MAGI2: variants seen among roughly 807,000 people sequenced by gnomAD.
MAGI2 encodes membrane associated guanylate kinase, WW and PDZ domain containing 2, also known as membrane-associated guanylate kinase, WW and PDZ domain-containing protein 2.
A neutral mutation model predicts 133.3 loss-of-function variants in MAGI2; 35 were observed. The ratio of observed to expected loss-of-function variants is 0.26; its 90% CI spans 0.20 to 0.35. The LOEUF is 0.35. Ranked by LOEUF, MAGI2 falls within the 10% of genes least tolerant of loss-of-function variation. The probability of loss-of-function intolerance (pLI) is 1.00; values close to 1 mark genes in which losing one functional copy is unlikely to be tolerated. For missense variants in MAGI2, 1,636 were observed against 1,863.4 expected (o/e 0.88, Z 2.25); for synonymous variants, 729 against 710.6 (o/e 1.03, Z -0.41).
intron 1 of MAGI2, among the ~76,000 whole-genome samples, chr7:79,108,078 C>T (rs1427545057): frequency 6.6e-6 from 1 of 152,120 alleles, no homozygotes; most frequent in Non-Finnish European, 1.5e-5. Context: ...TTCTCAACAT[C>T]AGAGAGTGTT....
chr7:78,297,492 G>T (rs946252229), intron 9 of MAGI2, among the ~76,000 whole-genome samples: 3 of 151,256 alleles, frequency 2.0e-5, no homozygotes, highest in Non-Finnish European at 4.4e-5. Context: ...TATACCCAAA[G>T]GACTATAAAT....
At chr7:78,165,287 T>C (rs1825513402) in intron 15 of MAGI2, among the ~76,000 whole-genome samples, 1 of 152,154 alleles carries the variant, frequency 6.6e-6, no homozygotes. Flanking sequence ...ATTGTATCAC[T>C]GCACTCCAGC....
intron 2 of MAGI2, among the ~76,000 whole-genome samples, chr7:78,636,025 T>C (rs1809603846): frequency 6.6e-6 from 1 of 152,190 alleles, no homozygotes; most frequent in African/African-American, 2.4e-5. Context: ...ATGTAGGCCT[T>C]ATAGATTTCC....
intron 2 of MAGI2, among the ~76,000 whole-genome samples, chr7:78,675,024 T>A (rs1304537209): frequency 6.6e-5 from 10 of 152,164 alleles, no homozygotes. Context: ...ACACTGTTTA[T>A]TTTCATAAGT....
chr7:79,248,114 C>T (rs1030260504), intron 1 of MAGI2, among the ~76,000 whole-genome samples: 2 of 151,874 alleles, frequency 1.3e-5, no homozygotes, highest in African/African-American at 4.8e-5. Flanking sequence ...TTACTGTATA[C>T]AAGAATTACA....
intron 1 of MAGI2, chr7:79,172,919 T>C (rs1825749745): frequency 6.6e-6 from 1 of 152,036 alleles, no homozygotes; most frequent in African/African-American, 2.4e-5. Flanking sequence ...ATTAATGGTA[T>C]CTATATTTCA....
chr7:78,643,346 G>A (rs1009748558), intron 2 of MAGI2, among the ~76,000 whole-genome samples: 1 of 152,076 alleles, frequency 6.6e-6, no homozygotes, highest in Non-Finnish European at 1.5e-5. Context: ...AGAAATACAA[G>A]TGCTCTGAGC....
At chr7:78,599,919 C>T (rs1312726108) in intron 3 of MAGI2, among the ~76,000 whole-genome samples, 2 of 152,148 alleles carry the variant, frequency 1.3e-5, no homozygotes, top group African/African-American at 2.4e-5. Flanking sequence ...GAGAACCTTT[C>T]GTGTGAACTT....
chr7:79,201,176 T>C (rs1270245232), intron 1 of MAGI2, among the ~76,000 whole-genome samples: 2 of 151,970 alleles, frequency 1.3e-5, no homozygotes, highest in Non-Finnish European at 2.9e-5. Flanking sequence ...GGTTCTGAGA[T>C]GGTGAGGAGG....
intron 1 of MAGI2, among the ~76,000 whole-genome samples, chr7:79,327,956 T>C (rs1839818911): frequency 6.6e-6 from 1 of 152,200 alleles, no homozygotes. Flanking sequence ...TTATAAATTA[T>C]GATTTCAATA....
At chr7:79,343,619 T>C (rs1841076384) in intron 1 of MAGI2, among the ~76,000 whole-genome samples, 1 of 152,130 alleles carries the variant, frequency 6.6e-6, no homozygotes, top group Non-Finnish European at 1.5e-5. Context: ...ATATATATTC[T>C]GTTAAAAAAA....
chr7:79,425,664 CT>C (rs1847316193), intron 1 of MAGI2, among the ~76,000 whole-genome samples: 1 of 150,962 alleles, frequency 6.6e-6, no homozygotes, highest in African/African-American at 2.4e-5. Context: ...AGTTCTGTAA[CT>C]GAGTTCTCAG....
intron 2 of MAGI2, among the ~76,000 whole-genome samples, chr7:78,653,100 C>T (rs1239661139): frequency 2.0e-5 from 3 of 152,028 alleles, no homozygotes; most frequent in Admixed American, 6.6e-5. Context: ...ATCTCATGCC[C>T]GTTAGAATGG....
chr7:78,109,031 G>A (rs529089582), intron 20 of MAGI2, among the ~76,000 whole-genome samples: 4 of 152,056 alleles, frequency 2.6e-5, no homozygotes, highest in South Asian at 2.1e-4. Flanking sequence ...CGGGCTGGGC[G>A]CGGTGGCTCA....
At chr7:78,922,299 GT>G (rs571446455) in intron 2 of MAGI2, among the ~76,000 whole-genome samples, 10 of 151,324 alleles carry the variant, frequency 6.6e-5, no homozygotes, top group African/African-American at 2.4e-4. Context: ...CCATTAAGTC[GT>G]CATTTAGCAT....
intron 3 of MAGI2, among the ~76,000 whole-genome samples, chr7:78,537,050 C>G (rs1798012950): frequency 6.6e-6 from 1 of 152,048 alleles, no homozygotes; most frequent in Non-Finnish European, 1.5e-5. Flanking sequence ...TAAGTGAGAA[C>G]ATACAATGTT....
intron 1 of MAGI2, among the ~76,000 whole-genome samples, chr7:79,228,354 C>CAAAAAAAAGAAAAAAAAAAAAAAAAAAAA (rs1831047532): frequency 3.2e-5 from 1 of 31,438 alleles, no homozygotes; most frequent in African/African-American, 7.5e-5. Context: ...AAAAAACAGG[C>CAAAAAAAAGAAAAAAAAAAAAAAAAAAAA]AAAAAAAAAA....
intron 1 of MAGI2, among the ~76,000 whole-genome samples, chr7:79,218,268 A>G (rs1342279390): frequency 2.0e-5 from 3 of 152,010 alleles, no homozygotes; most frequent in Non-Finnish European, 4.4e-5. Flanking sequence ...CCAGTGTGCT[A>G]TCTCCAACTA....
intron 2 of MAGI2, among the ~76,000 whole-genome samples, chr7:78,835,450 T>G (rs1286352032): frequency 6.6e-6 from 1 of 152,200 alleles, no homozygotes; most frequent in Non-Finnish European, 1.5e-5. Flanking sequence ...TTTGATCTTA[T>G]ATATCCAAGA....
Sources: allele counts gnomAD v4.1 joint callset (sites outside exome capture counted in the v4.1 genomes callset), GRCh38; gene constraint gnomAD v4.1.1; transcripts MANE v1.5; gene names NCBI Gene and HGNC (gene_info 2026-07-23, HGNC 2026-07-21).